Variants in FRMPD4 observed in about 807,000 individuals in gnomAD.
FRMPD4 encodes FERM and PDZ domain-containing protein 4.
A neutral mutation model predicts 94.1 loss-of-function variants in FRMPD4; 22 were observed. The ratio of observed to expected loss-of-function variants is 0.23; its 90% confidence interval spans 0.17 to 0.33. The LOEUF is 0.33. FRMPD4 is among the 10% of genes least tolerant of loss of function. The probability of loss-of-function intolerance (pLI) is 1.00; values close to 1 mark genes in which losing one functional copy is unlikely to be tolerated. For synonymous variants in FRMPD4, 631 were observed against 548.6 expected (o/e 1.15, Z -2.10); for missense variants, 1,111 against 1,339.9 (o/e 0.83, Z 2.67).
chrX:11,847,960 C>G (rs1478857988), intron 1 of FRMPD4, among the ~76,000 whole-genome samples: 1 of 103,414 alleles, frequency 9.7e-6, no homozygotes, highest in Non-Finnish European at 2.0e-5. Context: ...TGCAGCACAC[C>G]AGCATGGCAC....
At chrX:12,640,316 A>AG (rs1232934096) in intron 4 of FRMPD4, among the ~76,000 whole-genome samples, 1 of 107,194 alleles carries the variant, frequency 9.3e-6, no homozygotes, top group Non-Finnish European at 1.9e-5. Flanking sequence ...AAAAAAAAAA[A>AG]AAAAAAGGTA....
intron 2 of FRMPD4, among the ~76,000 whole-genome samples, chrX:12,506,851 T>G (rs1020160496): frequency 1.8e-5 from 2 of 112,124 alleles, no homozygotes; most frequent in Non-Finnish European, 3.8e-5. Context: ...CTACTAACAC[T>G]CCCTCCCTTT....
At chrX:12,677,459 C>T (rs1268694678) in intron 5 of FRMPD4, among the ~76,000 whole-genome samples, 1 of 91,585 alleles carries the variant, frequency 1.1e-5, no homozygotes, top group Non-Finnish European at 2.1e-5. Context: ...GATTTTACTA[C>T]AAGCAAGTTG....
intron 1 of FRMPD4, among the ~76,000 whole-genome samples, chrX:12,399,281 A>C (rs763456585): frequency 1.8e-5 from 2 of 111,985 alleles, no homozygotes; most frequent in East Asian, 5.6e-4. Flanking sequence ...GGCACACAGC[A>C]GTTCGATGTA....
At chrX:12,704,240 G>C (rs1306038448) in intron 10 of FRMPD4, 119 bp from the exon 11 acceptor site, 1 of 466,039 alleles carries the variant, frequency 2.1e-6, no homozygotes, top group South Asian at 5.7e-5. Flanking sequence ...TTGGGGACTT[G>C]TCTCCATTCT....
At chrX:12,276,761 A>G (rs983950141) in intron 1 of FRMPD4, among the ~76,000 whole-genome samples, 17 of 111,651 alleles carry the variant, frequency 1.5e-4, no homozygotes, top group African/African-American at 5.6e-4. Context: ...GGGTCCATTC[A>G]GATGATTGTG....
chrX:12,152,923 ATTTTTTTTT>A (rs11432329), intron 1 of FRMPD4, among the ~76,000 whole-genome samples: 1 of 75,753 alleles, frequency 1.3e-5, no homozygotes, highest in Non-Finnish European at 2.4e-5. Context: ...AAGCTTATAC[ATTTTTTTTT>A]TTTTTTTTTT....
chrX:12,027,585 A>G (rs2054667819), intron 3 of FRMPD4, among the ~76,000 whole-genome samples: 1 of 110,374 alleles, frequency 9.1e-6, no homozygotes, highest in Non-Finnish European at 1.9e-5. Flanking sequence ...TGAGGTATAA[A>G]TAAAATAAGC....
At position 12,138,582 on chromosome X, in the gene FRMPD4, G is replaced by A. The variant is rs1176283014; in HGVS notation, c.-390G>A. The A allele has an allele frequency of 3.7e-6, 1 of 269,621 alleles. No individual in the cohort carries two copies. Among genetic ancestry groups the A allele is most frequent in the Admixed American group, 6.4e-5 (1 of 15,598 alleles). The allele number at this position is 269,621 out of a possible 1,213,427, so 22.2% of individuals were successfully genotyped here. A position where few individuals can be genotyped will look rare whatever the true frequency, so the allele number is the denominator to read the frequency against. ...GGCACGAGGGTCCGAGGGCCGGGAA[G>A]CCAGAGCAGCGCCTCTCGCCCAGGC... is the stretch of plus-strand genomic sequence containing the variant. On this transcript the variant is annotated 5_prime_UTR_variant, in exon 1 of 17. Coordinates refer to ENST00000675598, the MANE Select transcript of FRMPD4 (RefSeq NM_001368397.1).
chrX:11,944,771 T>A (rs1053343632), intron 3 of FRMPD4, among the ~76,000 whole-genome samples: 1 of 110,287 alleles, frequency 9.1e-6, no homozygotes, highest in Non-Finnish European at 1.9e-5. Context: ...AGTCAGCAGC[T>A]CCCAAATATA....
At chrX:12,089,712 T>C (rs1158205600) in intron 3 of FRMPD4, among the ~76,000 whole-genome samples, 4 of 112,199 alleles carry the variant, frequency 3.6e-5, no homozygotes, top group African/African-American at 1.3e-4. Flanking sequence ...ATATACATAT[T>C]ACCTATAGAT....
At chrX:12,656,471 G>A (rs1383093082) in intron 4 of FRMPD4, among the ~76,000 whole-genome samples, 1 of 112,181 alleles carries the variant, frequency 8.9e-6, no homozygotes, top group Non-Finnish European at 1.9e-5. Context: ...GCCATCAATG[G>A]TAGAATTGAT....
At chrX:12,470,238 CTG>C (rs2057494934) in intron 1 of FRMPD4, among the ~76,000 whole-genome samples, 1 of 112,138 alleles carries the variant, frequency 8.9e-6, no homozygotes, top group African/African-American at 3.2e-5. Context: ...GACTGTCAGC[CTG>C]TCTTTCTGTT....
chrX:12,206,186 T>C (rs868180102), intron 1 of FRMPD4, among the ~76,000 whole-genome samples: 1 of 112,390 alleles, frequency 8.9e-6, no homozygotes, highest in South Asian at 3.7e-4. Context: ...ATTATTGTGG[T>C]GATTAAATTA....
At chrX:12,170,201 A>C (rs1282606926) in intron 1 of FRMPD4, among the ~76,000 whole-genome samples, 1 of 98,235 alleles carries the variant, frequency 1.0e-5, no homozygotes, top group Non-Finnish European at 2.0e-5. Flanking sequence ...TTTTTTTTTC[A>C]GTGACAACAA....
chrX:12,303,802 A>G (rs932151701), intron 1 of FRMPD4, among the ~76,000 whole-genome samples: 2 of 112,633 alleles, frequency 1.8e-5, no homozygotes, highest in Non-Finnish European at 3.8e-5. Flanking sequence ...ATCCTTGGAT[A>G]GGCCAAAATG....
chrX:12,133,394 T>C (rs1406791385), intron 3 of FRMPD4, among the ~76,000 whole-genome samples: 4 of 109,454 alleles, frequency 3.7e-5, no homozygotes, highest in African/African-American at 1.3e-4. Context: ...TTTTTGTATG[T>C]TCTATATCTA....
At chrX:11,950,304 T>C (rs1264748014) in intron 3 of FRMPD4, among the ~76,000 whole-genome samples, 1 of 112,192 alleles carries the variant, frequency 8.9e-6, no homozygotes, top group African/African-American at 3.2e-5. Context: ...ATTAAACCTT[T>C]TTCCTTTATA....
chrX:12,625,096 C>T (rs1371744710), intron 4 of FRMPD4, among the ~76,000 whole-genome samples: 1 of 111,331 alleles, frequency 9.0e-6, no homozygotes, highest in Non-Finnish European at 1.9e-5. Context: ...GTCATCTCAC[C>T]ACAGTTAAAA....
Sources: allele counts gnomAD v4.1 joint callset (sites outside exome capture counted in the v4.1 genomes callset), GRCh38; gene constraint gnomAD v4.1.1; transcripts MANE v1.5; gene names NCBI Gene and HGNC (gene_info 2026-07-23, HGNC 2026-07-21).